The following TMEM252 variants were observed in gnomAD, a reference collection of about 807,000 sequenced individuals.
TMEM252 encodes the protein transmembrane protein C9orf71.
TMEM252 carries 4 observed loss-of-function variants against 6.4 expected under a neutral mutation model. That is an observed-to-expected ratio of 0.62 (90% CI 0.31 to 1.43). The LOEUF (loss-of-function observed/expected upper bound fraction) is 1.43. Among genes scored for constraint, TMEM252 ranks in the 40% most tolerant of loss-of-function variants. The pLI, the probability that TMEM252 is intolerant of heterozygous loss-of-function variation, is 0.07. For missense variants in TMEM252, 207 were observed against 209.4 expected, an observed-to-expected ratio of 0.99 and a Z score of 0.07; for synonymous variants, 85 against 82.5, an observed-to-expected ratio of 1.03 and a Z score of -0.17.
chr9:68,537,043 T>G lies in TMEM252; in HGVS notation c.*216A>C. 1 of 505,408 alleles carries G rather than the reference T, an allele frequency of 2.0e-6. No individual in the cohort carries two copies. The highest frequency in any genetic ancestry group is 3.4e-6 in the Non-Finnish European group (1 of 291,262). The allele number at this position is 505,408 out of a possible 1,614,324, so 31.3% of individuals were successfully genotyped here. The stretch of plus-strand genomic sequence containing the variant: ...AGATTAGTGTGAATGCTCTGAAATG[T>G]CTGCTTGGTGTTGGCCACACCCTTC... On this transcript the variant is annotated 3_prime_UTR_variant, in exon 2 of 2. Transcript: ENST00000377311.
Position 68,537,209 on chromosome 9 carries a change from G to T in TMEM252, c.*50C>A. 6.6e-7 allele frequency: 1 copy of T among 1,520,354 alleles called. No individual in the cohort carries two copies. Among genetic ancestry groups the T allele is most frequent in the Non-Finnish European group, 9.0e-7 (1 of 1,112,716 alleles). The allele number at this position is 1,520,354 out of a possible 1,614,324, so 94.2% of individuals were successfully genotyped here. On this transcript the variant is annotated 3_prime_UTR_variant, in exon 2 of 2. Coordinates refer to ENST00000377311, the MANE Select transcript of TMEM252 (RefSeq NM_153237.2). Reference sequence around the variant, plus strand: ...CCCTCGTTTGCCTTTATTATCAGTAGCTGCTCCCCACAGTGGTGGCATCAT... The same window carrying T: ...CCCTCGTTTGCCTTTATTATCAGTATCTGCTCCCCACAGTGGTGGCATCAT...
chr9:68,537,549 A>G, intron 1 of TMEM252, 56 bp from the exon 2 acceptor site: 1 of 1,408,258 alleles, frequency 7.1e-7, no homozygotes, highest in East Asian at 2.4e-5. Flanking sequence ...AATGCCAAAG[A>G]GGCAGACGGC....
intron 1 of TMEM252, among the ~76,000 whole-genome samples, chr9:68,539,727 C>A (rs1245970504): frequency 6.6e-6 from 1 of 152,230 alleles, no homozygotes; most frequent in Non-Finnish European, 1.5e-5. Flanking sequence ...AATGTTGCTA[C>A]AAGCATTGGT....
At position 68,540,615 on chromosome 9, in the gene TMEM252, G is replaced by A. The variant is rs1825193427; in HGVS notation, c.200C>T (p.Thr67Ile). The change falls in exon 1 of 2, where the codon ACT becomes ATT. Residue 67 changes from threonine (T) to isoleucine (I), a missense_variant. Thr to Ile is a moderately conservative substitution (Grantham distance 89, BLOSUM62 -1). Coordinates refer to ENST00000377311, the MANE Select transcript of TMEM252 (RefSeq NM_153237.2). ...GIFWSNYRQV[T>I]ESKGVLRHML... ...GTGCCTCAACACTCCTTTGCTTTCA[G>A]TCACCTGGCGATAGTTGCTCCAGAA... The A allele has an allele frequency of 6.2e-7, 1 of 1,614,190 alleles. No individual in the cohort carries two copies. The highest frequency in any genetic ancestry group is 1.7e-5 in the Admixed American group (1 of 60,034).
intron 1 of TMEM252, among the ~76,000 whole-genome samples, chr9:68,538,132 T>C (rs1825163555): frequency 6.6e-6 from 1 of 152,240 alleles, no homozygotes; most frequent in African/African-American, 2.4e-5. Context: ...GCCAGTAGGC[T>C]AAAGCAGCCA....
intron 1 of TMEM252, among the ~76,000 whole-genome samples, chr9:68,538,105 G>C (rs1825163172): frequency 6.6e-6 from 1 of 152,236 alleles, no homozygotes; most frequent in African/African-American, 2.4e-5. Flanking sequence ...ACAGATTTCA[G>C]TTGTAGCCCT....
intron 1 of TMEM252, among the ~76,000 whole-genome samples, chr9:68,540,029 T>C (rs1825184292): frequency 6.6e-6 from 1 of 152,208 alleles, no homozygotes. Context: ...CACCTTCCCC[T>C]GAAGGAATGT....
chr9:68,539,075 C>T (rs1220487059), intron 1 of TMEM252, among the ~76,000 whole-genome samples: 3 of 152,122 alleles, frequency 2.0e-5, no homozygotes, highest in Non-Finnish European at 2.9e-5. Context: ...TATTAATTAG[C>T]ATAAAGGATG....
In TMEM252 at chr9:68,537,420, C is replaced by G. The variant is rs1825153883; in HGVS notation, c.352G>C (p.Ala118Pro). ...EKQSCPAERE[A>P]SGIPPPLYTE... Reference sequence around the variant, plus strand: ...TATAGAGGTGGAGGAATGCCAGAGGCCTCTCTCTCTGCAGGACAGCTCTGC... The same window carrying G: ...TATAGAGGTGGAGGAATGCCAGAGGGCTCTCTCTCTGCAGGACAGCTCTGC... The change falls in exon 2 of 2, where the codon GCC (alanine) becomes CCC (proline). Residue 118 changes from alanine to proline, a missense_variant. By Grantham distance (27) the Ala-to-Pro change is conservative. Coordinates refer to ENST00000377311, the MANE Select transcript of TMEM252 (RefSeq NM_153237.2). 6 of 1,606,066 alleles carry G rather than the reference C, an allele frequency of 3.7e-6. No homozygotes were observed. The highest frequency in any genetic ancestry group is 1.3e-5 in the African/African-American group (1 of 74,240).
At chr9:68,537,531 T>C (rs1198754116) in intron 1 of TMEM252, 38 bp from the exon 2 acceptor site, 105 of 1,535,218 alleles carry the variant, frequency 6.8e-5, no homozygotes, top group Non-Finnish European at 8.9e-5. Context: ...GTGCGTTATT[T>C]AGGCATTAAT....
intron 1 of TMEM252, among the ~76,000 whole-genome samples, chr9:68,539,062 T>A (rs746523573): frequency 2.0e-5 from 3 of 152,226 alleles, no homozygotes; most frequent in Non-Finnish European, 4.4e-5. Flanking sequence ...ATAATTATTA[T>A]CTTATTAATT....
chr9:68,537,652 T>A (rs1825157984), intron 1 of TMEM252, among the ~76,000 whole-genome samples, 159 bp from the exon 2 acceptor site: 1 of 152,258 alleles, frequency 6.6e-6, no homozygotes, highest in Non-Finnish European at 1.5e-5. Flanking sequence ...ACCAGTTTTT[T>A]AAAAATGTGC....
At chr9:68,540,483 A>T (rs1174836575) in intron 1 of TMEM252, 54 bp downstream of exon 1, 2 of 1,602,346 alleles carry the variant, frequency 1.2e-6, no homozygotes, top group Non-Finnish European at 1.7e-6. Flanking sequence ...CTCAGATCTT[A>T]CACAACTCAG....
At chr9:68,539,539 TACA>T (rs1411963654) in intron 1 of TMEM252, among the ~76,000 whole-genome samples, 1 of 152,234 alleles carries the variant, frequency 6.6e-6, no homozygotes, top group Non-Finnish European at 1.5e-5. Context: ...AGTGGAATTA[TACA>T]ATATTTGCCC....
Position 68,540,712 on chromosome 9 carries a change from C to G in TMEM252, c.103G>C (p.Asp35His). 1 of 1,614,066 alleles carries G rather than the reference C, an allele frequency of 6.2e-7. No individual in the cohort carries two copies. Among genetic ancestry groups the G allele is most frequent in the South Asian group, 1.1e-5 (1 of 91,074 alleles). The change falls in exon 1 of 2, where the codon GAC becomes CAC. Residue 35 changes from aspartate (D) to histidine (H), a missense_variant. Asp to His is a moderately conservative substitution (Grantham distance 81). Coordinates refer to ENST00000377311, the MANE Select transcript of TMEM252 (RefSeq NM_153237.2). ...GCCGCAATCAGGCTCCCCTGACAGT[C>G]GAATATGGAGCCCCAGGAAATGAAG... is the stretch of plus-strand genomic sequence containing the variant. ...AFFISWGSIF[D>H]CQGSLIAAYL... is the part of the protein sequence containing the mutation.
intron 1 of TMEM252, 32 bp from the exon 2 acceptor site, chr9:68,537,525 G>T: frequency 1.9e-6 from 3 of 1,556,900 alleles, no homozygotes; most frequent in Non-Finnish European, 2.6e-6. Flanking sequence ...ACATGCGTGC[G>T]TTATTTAGGC....
chr9:68,538,110 A>C (rs1280208857), intron 1 of TMEM252, among the ~76,000 whole-genome samples: 1 of 152,264 alleles, frequency 6.6e-6, no homozygotes, highest in Admixed American at 6.5e-5. Context: ...TTTCAGTTGT[A>C]GCCCTTTCTA....
Position 68,537,566 on chromosome 9 carries a change from T to C in TMEM252, c.279-73A>G, listed in dbSNP as rs1004858446. The stretch of plus-strand genomic sequence containing the variant: ...TGCCAAAGAGGCAGACGGCTGCCTC[T>C]CTCAGCTCAAATTGTGCGAAGCTAA... On this transcript the variant is annotated intron_variant, in intron 1 of 1. Transcript: ENST00000377311. The C allele has an allele frequency of 4.9e-6, 6 of 1,212,470 alleles. No individual in the cohort carries two copies. The Admixed American group carries it at 7.6e-5, about 15-fold the overall frequency. 75.1% of individuals were successfully genotyped at this position (1,212,470 alleles called of 1,614,324 possible).
rs1825146001 is a variant in TMEM252 at position 68,536,880 on chromosome 9, C to T, written c.*379G>A. 1 of 206,860 alleles carries T rather than the reference C, an allele frequency of 4.8e-6. No individual in the cohort carries two copies. Among genetic ancestry groups the T allele is most frequent in the Non-Finnish European group, 9.6e-6 (1 of 104,394 alleles). 12.8% of individuals were successfully genotyped at this position (206,860 alleles called of 1,614,324 possible). On this transcript the variant is annotated 3_prime_UTR_variant, in exon 2 of 2. Coordinates refer to ENST00000377311, the MANE Select transcript of TMEM252 (RefSeq NM_153237.2). ...TGATATAGAACAGGAAGGCATGTGGCTGTCCTGACAACCAGCATCTATTCC... is the reference window on the plus strand; with the variant it reads ...TGATATAGAACAGGAAGGCATGTGGTTGTCCTGACAACCAGCATCTATTCC...
Sources: allele counts gnomAD v4.1 joint callset (sites outside exome capture counted in the v4.1 genomes callset), GRCh38; gene constraint gnomAD v4.1.1; transcripts MANE v1.5; gene names NCBI Gene and HGNC (gene_info 2026-07-23, HGNC 2026-07-21).